PLD5: variants seen among roughly 807,000 people sequenced by gnomAD.
PLD5 encodes phospholipase D family member 5.
In PLD5, 36 loss-of-function variants were observed where a neutral mutation model predicts 61.1. The observed-to-expected ratio is 0.59, with a 90% confidence interval of 0.45 to 0.78. The LOEUF (loss-of-function observed/expected upper bound fraction) is 0.78, where lower values mean the gene tolerates loss of function less well. Ranked by LOEUF, PLD5 falls within the 30% of genes least tolerant of loss-of-function variation. The pLI is 0.00. For missense variants in PLD5, 515 were observed against 644.4 expected, an observed-to-expected ratio of 0.80 and a Z score of 2.17; for synonymous variants, 243 against 242.8, an observed-to-expected ratio of 1.00 and a Z score of -0.01.
At chr1:242,500,452 C>A (rs1275993695) in intron 1 of PLD5, among the ~76,000 whole-genome samples, 4 of 152,098 alleles carry the variant, frequency 2.6e-5, no homozygotes, top group African/African-American at 7.2e-5. Context: ...AAGACATTTG[C>A]TAGGATACGG....
chr1:242,254,348 G>T, intron 4 of PLD5, among the ~76,000 whole-genome samples: 1 of 132,694 alleles, frequency 7.5e-6, no homozygotes, highest in South Asian at 2.4e-4. Context: ...TCATTTAACT[G>T]AAAAAAAAAA....
chr1:242,524,419 G>GGCGCGGGGA lies in PLD5; in HGVS notation c.-152_-144dup, dbSNP rs1452581882. 2.5e-6 allele frequency: 2 copies of GGCGCGGGGA among 805,920 alleles called. No homozygotes were observed. The highest frequency in any genetic ancestry group is 3.3e-6 in the Non-Finnish European group (2 of 599,006). The allele number at this position is 805,920 out of a possible 1,614,324, so 49.9% of individuals were successfully genotyped here. A position where few individuals can be genotyped will look rare whatever the true frequency, so the allele number is the denominator to read the frequency against. On this transcript the variant is annotated 5_prime_UTR_variant, in exon 1 of 10. Coordinates refer to ENST00000536534, the MANE Select transcript of PLD5 (RefSeq NM_001372062.1). ...GCTGGAGGAGCTGGAGGAGCGAGCGGGCGCGGGGAGCGCGGGGTGCTGAGC... is the reference window on the plus strand; with the variant it reads ...GCTGGAGGAGCTGGAGGAGCGAGCGGGCGCGGGGAGCGCGGGGAGCGCGGGGTGCTGAGC...
intron 1 of PLD5, among the ~76,000 whole-genome samples, chr1:242,463,209 C>T (rs140587703): frequency 1.3e-5 from 2 of 152,306 alleles, no homozygotes; most frequent in East Asian, 3.9e-4. Context: ...CACTACAGCA[C>T]ATGATATTGT....
chr1:242,367,293 A>T (rs1482081803), intron 1 of PLD5, among the ~76,000 whole-genome samples: 1 of 152,186 alleles, frequency 6.6e-6, no homozygotes, highest in Non-Finnish European at 1.5e-5. Context: ...GAAAAATTCA[A>T]ACTGCTATAA....
chr1:242,290,880 G>A (rs900524853), intron 2 of PLD5, among the ~76,000 whole-genome samples: 1 of 151,756 alleles, frequency 6.6e-6, no homozygotes, highest in Non-Finnish European at 1.5e-5. Context: ...CCCTACTAGT[G>A]TTGGATTAAT....
At chr1:242,229,652 C>T (rs1166317827) in intron 4 of PLD5, among the ~76,000 whole-genome samples, 1 of 152,050 alleles carries the variant, frequency 6.6e-6, no homozygotes, top group African/African-American at 2.4e-5. Context: ...AATGGAACAG[C>T]TTTTTTATTT....
At chr1:242,239,964 T>G (rs929338228) in intron 4 of PLD5, among the ~76,000 whole-genome samples, 1 of 152,264 alleles carries the variant, frequency 6.6e-6, no homozygotes, top group African/African-American at 2.4e-5. Context: ...CTTCTCCTGG[T>G]GTTTTGTTCG....
chr1:242,282,422 G>A (rs554537139), intron 3 of PLD5, among the ~76,000 whole-genome samples: 6 of 152,090 alleles, frequency 3.9e-5, no homozygotes, highest in South Asian at 2.1e-4. Flanking sequence ...ATCCAGGCTC[G>A]TACTTCCCAA....
chr1:242,248,106 A>G (rs1176672479), intron 4 of PLD5, among the ~76,000 whole-genome samples: 1 of 152,222 alleles, frequency 6.6e-6, no homozygotes, highest in Non-Finnish European at 1.5e-5. Flanking sequence ...TCATGGTTAT[A>G]TGGTTATTAT....
intron 1 of PLD5, among the ~76,000 whole-genome samples, chr1:242,488,889 A>C (rs1259117603): frequency 1.3e-5 from 2 of 152,170 alleles, no homozygotes; most frequent in African/African-American, 4.8e-5. Flanking sequence ...CTGTAAACAT[A>C]AAACTCGTCT....
At chr1:242,176,408 T>C (rs1667149869) in intron 5 of PLD5, among the ~76,000 whole-genome samples, 1 of 152,200 alleles carries the variant, frequency 6.6e-6, no homozygotes, top group South Asian at 2.1e-4. Context: ...GCTGTACCCC[T>C]TCCTTATAGT....
chr1:242,359,631 A>G (rs1660960427), intron 1 of PLD5, among the ~76,000 whole-genome samples: 1 of 152,198 alleles, frequency 6.6e-6, no homozygotes, highest in South Asian at 2.1e-4. Context: ...AGGCTGCAAA[A>G]TAAGGTTGCT....
chr1:242,194,586 C>CTATCTATG (rs1668488901), intron 5 of PLD5, among the ~76,000 whole-genome samples: 3 of 71,686 alleles, frequency 4.2e-5, no homozygotes, highest in African/African-American at 6.9e-5. Context: ...ATCTATCTAT[C>CTATCTATG]TATCTATCTA....
At chr1:242,528,252 G>A (rs1024376198), upstream of PLD5, among the ~76,000 whole-genome samples, 4 of 152,186 alleles carry the variant, frequency 2.6e-5, no homozygotes, top group African/African-American at 9.6e-5. Context: ...TCAAGTGATT[G>A]CTACAGGGAT....
At chr1:242,359,474 C>T (rs1422379886) in intron 1 of PLD5, among the ~76,000 whole-genome samples, 2 of 152,178 alleles carry the variant, frequency 1.3e-5, no homozygotes, top group Non-Finnish European at 2.9e-5. Flanking sequence ...TATTCCTACA[C>T]TGTGGAGTTT....
At chr1:242,151,762 C>A (rs1175548077) in intron 5 of PLD5, among the ~76,000 whole-genome samples, 1 of 152,056 alleles carries the variant, frequency 6.6e-6, no homozygotes, top group African/African-American at 2.4e-5. Context: ...ATAAATTACT[C>A]AAGTACATAA....
intron 5 of PLD5, among the ~76,000 whole-genome samples, chr1:242,189,937 G>C (rs1270807503): frequency 2.0e-5 from 3 of 152,094 alleles, no homozygotes; most frequent in Admixed American, 6.5e-5. Flanking sequence ...AAGAGGCTGA[G>C]GTCAAAGAGA....
At chr1:242,299,116 A>C (rs1413183410) in intron 2 of PLD5, among the ~76,000 whole-genome samples, 1 of 132,982 alleles carries the variant, frequency 7.5e-6, no homozygotes, top group Non-Finnish European at 1.7e-5. Context: ...TATTACATTA[A>C]AAAATTTTTT....
rs548447894 is a variant in PLD5 at position 242,408,865 on chromosome 1, G to A, written c.190-60623C>T. Reference sequence around the variant, plus strand: ...GGGCAGATCACAAGGTCAGGAGTTCGAGACCAGCCTGGCCAACATGGTGAA... The same window carrying A: ...GGGCAGATCACAAGGTCAGGAGTTCAAGACCAGCCTGGCCAACATGGTGAA... On this transcript the variant is annotated intron_variant, in intron 1 of 9. Transcript: ENST00000536534. 1.4e-4 allele frequency among the ~76,000 whole-genome samples: 21 copies of A among 152,158 alleles called. No individual in the cohort carries two copies. In the East Asian group the frequency reaches 2.3e-3, roughly 17 times the overall value.
Sources: allele counts gnomAD v4.1 joint callset (sites outside exome capture counted in the v4.1 genomes callset), GRCh38; gene constraint gnomAD v4.1.1; transcripts MANE v1.5; gene names NCBI Gene and HGNC (gene_info 2026-07-23, HGNC 2026-07-21).